The following TRIM3 variants were observed in gnomAD, a reference collection of about 807,000 sequenced individuals.
The protein encoded by TRIM3 is tripartite motif containing 3.
A neutral mutation model predicts 66.6 loss-of-function variants in TRIM3; 13 were observed. The ratio of observed to expected loss-of-function variants is 0.20; its 90% confidence interval spans 0.13 to 0.31. TRIM3 has a LOEUF of 0.31. Among genes scored for constraint, TRIM3 ranks in the 10% least tolerant of loss-of-function variants. TRIM3 has a pLI of 1.00. For missense variants in TRIM3, 711 were observed against 1,020.4 expected, an observed-to-expected ratio of 0.70 and a Z score of 4.13; for synonymous variants, 406 against 411.7, an observed-to-expected ratio of 0.99 and a Z score of 0.17.
intron 7 of TRIM3, chr11:6,452,371 A>G (rs1849759731): frequency 1.3e-5 from 2 of 152,304 alleles, no homozygotes; most frequent in South Asian, 4.1e-4. Context: ...CTCACTACAT[A>G]AGTCTCATAC....
intron 1 of TRIM3, among the ~76,000 whole-genome samples, chr11:6,472,639 C>T (rs918569410): frequency 1.3e-5 from 2 of 152,220 alleles, no homozygotes; most frequent in Non-Finnish European, 2.9e-5. Flanking sequence ...ACAGGAAGTA[C>T]TCAGTATATG....
intron 1 of TRIM3, among the ~76,000 whole-genome samples, chr11:6,467,895 A>G (rs1444224788): frequency 1.3e-5 from 2 of 152,272 alleles, no homozygotes; most frequent in African/African-American, 4.8e-5. Context: ...GCCAGAGTGG[A>G]ATCAGAGAAA....
chr11:6,450,848 G>A lies in TRIM3; in HGVS notation c.1870+44C>T. 2 of 1,607,752 alleles carry A rather than the reference G, an allele frequency of 1.2e-6. No homozygotes were observed. The highest frequency in any genetic ancestry group is 1.1e-5 in the South Asian group (1 of 90,644). The stretch of plus-strand genomic sequence containing the variant: ...GCTGGGGTATCTAGGGGAGTTCTCT[G>A]GAACAGGGGTATCAGCATAGATCTT... On this transcript the variant is annotated intron_variant, in intron 9 of 11. Transcript: ENST00000345851. This position sits in a 1 kb window ranked among gnomAD's most constrained non-coding sequence, Gnocchi z 4.8.
In TRIM3 at chr11:6,458,103, C is replaced by A; in HGVS notation, c.325G>T (p.Ala109Ser). ...PEDPHPLSVV[A>S]GRPLSCPNHE... is the part of the protein sequence containing the mutation. ...TTGGGGCAGGAGAGAGGGCGGCCAG[C>A]CACTACACTGAGGGGGTGGGGGTCC... Residue 109 changes from alanine (A) to serine (S), a missense_variant, in exon 3 of 12, where the codon GCT (alanine) becomes TCT (serine). By Grantham distance (99) the Ala-to-Ser change is moderately conservative. Transcript: ENST00000345851. This position sits in a 1 kb window ranked among gnomAD's most constrained non-coding sequence, Gnocchi z 6.2. The A allele has an allele frequency of 2.5e-6, 4 of 1,612,748 alleles. No individual in the cohort carries two copies. Among genetic ancestry groups the A allele is most frequent in the Non-Finnish European group, 3.4e-6 (4 of 1,179,770 alleles).
Position 6,451,333 on chromosome 11 carries a change from T to G in TRIM3, c.1639A>C (p.Ile547Leu). The change falls in exon 8 of 12, where the codon ATA becomes CTA. Residue 547 changes from isoleucine to leucine, a missense_variant. Ile to Leu is a conservative substitution (Grantham distance 5, BLOSUM62 2). Transcript: ENST00000345851. ...TGVAVDTNGD[I>L]IVADYDNRWV... Reference sequence around the variant, plus strand: ...CGGTTGTCATAGTCTGCCACAATTATGTCTCCATTGGTGTCCACTGCCACA... The same window carrying G: ...CGGTTGTCATAGTCTGCCACAATTAGGTCTCCATTGGTGTCCACTGCCACA... The G allele has an allele frequency of 6.2e-7, 1 of 1,614,224 alleles. No individual in the cohort carries two copies. Among genetic ancestry groups the G allele is most frequent in the Non-Finnish European group, 8.5e-7 (1 of 1,180,048 alleles).
chr11:6,465,509 G>A, intron 2 of TRIM3, 56 bp downstream of exon 2: 1 of 1,601,804 alleles, frequency 6.2e-7, no homozygotes, highest in Non-Finnish European at 8.5e-7. Context: ...AGGGGAGGAG[G>A]ATCCTCATCC....
At chr11:6,464,530 A>G (rs527314652) in intron 2 of TRIM3, among the ~76,000 whole-genome samples, 2 of 152,296 alleles carry the variant, frequency 1.3e-5, no homozygotes, top group South Asian at 4.1e-4. Context: ...TGGCTATATG[A>G]TTATTTGATG....
intron 2 of TRIM3, among the ~76,000 whole-genome samples, chr11:6,459,459 G>A (rs1850128468): frequency 6.6e-6 from 1 of 152,222 alleles, no homozygotes; most frequent in African/African-American, 2.4e-5. Context: ...GGCATCACCA[G>A]CTAGTTACCA....
chr11:6,454,506 G>C (rs1174042415), intron 7 of TRIM3, among the ~76,000 whole-genome samples: 1 of 152,102 alleles, frequency 6.6e-6, no homozygotes. Context: ...AACAGAGAAG[G>C]GGTCCCAAAT....
rs370231567 is a variant in TRIM3, at chr11:6,458,086, G to A, written c.342C>T (p.Ser114=). ...CCACCTTGCCTTCATGGTTGGGGCA[G>A]GAGAGAGGGCGGCCAGCCACTACAC... is the stretch of plus-strand genomic sequence containing the variant. ...PLSVVAGRPL[S]CPNHEGKTME... The change falls in exon 3 of 12, where the codon TCC becomes TCT. Residue 114 remains serine (S), a synonymous_variant. Transcript: ENST00000345851. The surrounding 1 kb of genome is among the most constrained non-coding windows in gnomAD (Gnocchi z 6.2). The A allele has an allele frequency of 4.3e-6, 7 of 1,609,650 alleles. No individual in the cohort carries two copies. The African/African-American group carries it at 6.7e-5, about 15-fold the overall frequency.
At position 6,450,328 on chromosome 11, in the gene TRIM3, G is replaced by C; in HGVS notation, c.1941+223C>G. ...GGTTACCTTTTTCTCTTCCCTACTA[G>C]ACTATAATCAAGAAGACACAGAATA... On this transcript the variant is annotated intron_variant, in intron 10 of 11. Transcript: ENST00000345851. The surrounding 1 kb of genome is among the most constrained non-coding windows in gnomAD (Gnocchi z 4.8). The C allele has an allele frequency of 1.8e-6, 1 of 568,526 alleles. No individual in the cohort carries two copies. The highest frequency in any genetic ancestry group is 3.1e-6 in the Non-Finnish European group (1 of 319,324). The allele number at this position is 568,526 out of a possible 1,614,324, so 35.2% of individuals were successfully genotyped here.
rs117190058 is a variant in TRIM3, at chr11:6,472,397, G to A, written c.-38+1394C>T. Among the ~76,000 whole-genome samples the A allele has an allele frequency of 1.1e-3, 175 of 152,292 alleles. 3 individuals are homozygous for A. In the East Asian group the frequency reaches 0.031, roughly 27 times the overall value. ...CACTGTTAGGCTAAATGTGTTAGAG[G>A]ATGGTCTTAGTTGCCTCCCCTCCAC... On this transcript the variant is annotated intron_variant, in intron 1 of 11. Transcript: ENST00000345851.
chr11:6,457,999 C>T lies in TRIM3; in HGVS notation c.363+66G>A. The T allele has an allele frequency of 2.6e-6, 4 of 1,542,178 alleles. No homozygotes were observed. The highest frequency in any genetic ancestry group is 3.5e-6 in the Non-Finnish European group (4 of 1,139,482). On this transcript the variant is annotated intron_variant, in intron 3 of 11. Transcript: ENST00000345851. The surrounding 1 kb of genome is among the most constrained non-coding windows in gnomAD (Gnocchi z 4.5). ...ACCCTGTCACCCAGCCACTCGGCAC[C>T]CCCCAATGCCTCTCCTCCTCCTCCC...
In TRIM3 at chr11:6,458,444, G is replaced by T; in HGVS notation, c.132-148C>A. 1 of 666,780 alleles carries T rather than the reference G, an allele frequency of 1.5e-6. No individual in the cohort carries two copies. 41.3% of individuals were successfully genotyped at this position (666,780 alleles called of 1,614,324 possible). On this transcript the variant is annotated intron_variant, in intron 2 of 11. Transcript: ENST00000345851. The surrounding 1 kb of genome is among the most constrained non-coding windows in gnomAD (Gnocchi z 6.2). The stretch of plus-strand genomic sequence containing the variant: ...CCTCTCTGCTTGACACATCTCATCT[G>T]CCAGCAGGTATAATGGCCTTGCCCC...
At chr11:6,471,706 T>C (rs1209916589) in intron 1 of TRIM3, among the ~76,000 whole-genome samples, 1 of 152,182 alleles carries the variant, frequency 6.6e-6, no homozygotes, top group South Asian at 2.1e-4. Flanking sequence ...CATGTTCAAA[T>C]TGCTACAGCA....
At chr11:6,469,215 C>T (rs1850586733) in intron 1 of TRIM3, among the ~76,000 whole-genome samples, 1 of 152,122 alleles carries the variant, frequency 6.6e-6, no homozygotes, top group Admixed American at 6.5e-5. Flanking sequence ...GCTGGGGTAG[C>T]TGGATGCCAG....
At position 6,457,627 on chromosome 11, in the gene TRIM3, C is replaced by A. The variant is rs545982703; in HGVS notation, c.515+69G>T. On this transcript the variant is annotated intron_variant, in intron 4 of 11. Transcript: ENST00000345851. The surrounding 1 kb of genome is among the most constrained non-coding windows in gnomAD (Gnocchi z 4.5). ...CTCTGCCCTTCCCAGACCCTTTATT[C>A]CCCTCCCCGCCCGAGCTAAGACACC... The A allele has an allele frequency of 3.2e-6, 5 of 1,567,588 alleles. No homozygotes were observed. In the African/African-American group the frequency reaches 6.7e-5, roughly 21 times the overall value.
chr11:6,464,426 G>A (rs1473488991), intron 2 of TRIM3, among the ~76,000 whole-genome samples: 1 of 152,158 alleles, frequency 6.6e-6, no homozygotes, highest in Non-Finnish European at 1.5e-5. Flanking sequence ...AACCTTCCCT[G>A]ATTCTCCAAA....
chr11:6,454,196 T>C (rs1430674330), intron 7 of TRIM3, among the ~76,000 whole-genome samples: 2 of 151,762 alleles, frequency 1.3e-5, no homozygotes, highest in African/African-American at 4.8e-5. Flanking sequence ...CCAAACAATA[T>C]AGTGAAACCC....
Sources: allele counts gnomAD v4.1 joint callset (sites outside exome capture counted in the v4.1 genomes callset), GRCh38; gene constraint gnomAD v4.1.1; non-coding constraint Gnocchi (gnomAD v3.1); transcripts MANE v1.5; gene names NCBI Gene and HGNC (gene_info 2026-07-23, HGNC 2026-07-21).